The following RPL27A variants were observed in gnomAD, a reference collection of about 807,000 sequenced individuals.
The protein encoded by RPL27A is large ribosomal subunit protein uL15.
For synonymous variants in RPL27A, 69 were observed against 68.3 expected, an observed-to-expected ratio of 1.01 and a Z score of -0.05; for missense variants, 118 against 189.4, an observed-to-expected ratio of 0.62 and a Z score of 2.21.
rs1183137565 is a variant in RPL27A, at chr11:8,688,052, C to G, written c.*2246C>G. On this transcript the variant is annotated 3_prime_UTR_variant, in exon 5 of 5. Transcript: ENST00000314138. ...GCAGAGGGAATACTGGTTCAGGAAA[C>G]TGGTTTGGGAAGGTTAGGCAAACGG... 6.6e-6 allele frequency: 1 copy of G among 152,196 alleles called. No homozygotes were observed. The highest frequency in any genetic ancestry group is 1.5e-5 in the Non-Finnish European group (1 of 68,098). 9.4% of individuals were successfully genotyped at this position (152,196 alleles called of 1,614,324 possible).
intron 4 of RPL27A, 105 bp from the exon 5 acceptor site, chr11:8,685,573 C>A: frequency 7.7e-7 from 1 of 1,296,650 alleles, no homozygotes; most frequent in Non-Finnish European, 1.1e-6. Context: ...AACATACATA[C>A]CCTGCCTAGG....
chr11:8,683,244 AGCCACG>A lies in RPL27A; in HGVS notation c.56_61del (p.His19_Gly20del). ...GACCCGGAAACTTAGGGGCCACGTG[AGCCACG>A]GCCACGGCCGCATAGGTAAGTGCCG... On this transcript the variant is annotated inframe_deletion, in exon 2 of 5. Coordinates refer to ENST00000314138, the MANE Select transcript of RPL27A (RefSeq NM_000990.5). The A allele has an allele frequency of 6.2e-7, 1 of 1,614,214 alleles. No individual in the cohort carries two copies. Among genetic ancestry groups the A allele is most frequent in the Non-Finnish European group, 8.5e-7 (1 of 1,180,012 alleles).
rs760354952 is a variant in RPL27A at position 8,687,389 on chromosome 11, T to TC, written c.*1585dup. On this transcript the variant is annotated 3_prime_UTR_variant, in exon 5 of 5. Transcript: ENST00000314138. ...CTTGGGCAACAAGAGTGAAACTCTG[T>TC]CCACCCCCCCCAAAAAAAGTAAGGG... 0.048 allele frequency: 4,787 copies of TC among 100,734 alleles called. 568 individuals carry two copies. The highest frequency in any genetic ancestry group is 0.087 in the Admixed American group (800 of 9,158). 6.2% of individuals were successfully genotyped at this position (100,734 alleles called of 1,614,324 possible). A position where few individuals can be genotyped will look rare whatever the true frequency, so the allele number is the denominator to read the frequency against.
intron 4 of RPL27A, chr11:8,685,426 A>C (rs774638214): frequency 9.1e-6 from 6 of 658,014 alleles, no homozygotes; most frequent in South Asian, 6.9e-5. Flanking sequence ...GAGCAGGAGG[A>C]GGCTTATGCT....
chr11:8,685,693 C>T lies in RPL27A; in HGVS notation c.334C>T (p.Leu112=), dbSNP rs555137665. Residue 112 remains leucine (L), a synonymous_variant, in exon 5 of 5, where the codon CTG becomes TTG. Coordinates refer to ENST00000314138, the MANE Select transcript of RPL27A (RefSeq NM_000990.5). ...GTTCTTCTAGGGCTACTACAAAGTT[C>T]TGGGAAAGGGAAAGCTCCCAAAGCA... is the stretch of plus-strand genomic sequence containing the variant. ...DVVRSGYYKV[L]GKGKLPKQPV... The T allele has an allele frequency of 1.9e-6, 3 of 1,614,150 alleles. No homozygotes were observed. The highest frequency in any genetic ancestry group is 2.2e-5 in the East Asian group (1 of 44,890).
At chr11:8,684,333 T>A in intron 3 of RPL27A, 1 of 740,594 alleles carries the variant, frequency 1.4e-6, no homozygotes, top group Non-Finnish European at 2.5e-6. Flanking sequence ...TATGGCACAG[T>A]CAGTCACCAG....
chr11:8,682,829 T>G lies in RPL27A; in HGVS notation c.3+13T>G, dbSNP rs780937350. On this transcript the variant is annotated intron_variant, in intron 1 of 4. Coordinates refer to ENST00000314138, the MANE Select transcript of RPL27A (RefSeq NM_000990.5). ...GGCTGCCAACATGGTAGGTGTTTCGTTTCTTGCCTCCTCTTCCTTGCCGGC... is the reference window on the plus strand; with the variant it reads ...GGCTGCCAACATGGTAGGTGTTTCGGTTCTTGCCTCCTCTTCCTTGCCGGC... The G allele has an allele frequency of 6.2e-7, 1 of 1,611,494 alleles. No homozygotes were observed.
intron 2 of RPL27A, chr11:8,683,512 T>C: frequency 1.7e-6 from 1 of 573,956 alleles, no homozygotes; most frequent in South Asian, 2.1e-5. Flanking sequence ...GGGAATGCTG[T>C]GATGTGGAAC....
In RPL27A at chr11:8,684,806, T is replaced by G. The variant is rs115721984; in HGVS notation, c.232T>G (p.Leu78Val). 2.6e-4 allele frequency: 419 copies of G among 1,613,894 alleles called. 4 individuals are homozygous for G. In the East Asian group the frequency reaches 7.4e-3, roughly 28 times the overall value. The change falls in exon 4 of 5, where the codon TTG (leucine) becomes GTG (valine). Residue 78 changes from leucine (L) to valine (V), a missense_variant. By Grantham distance (32) the Leu-to-Val change is conservative. Coordinates refer to ENST00000314138, the MANE Select transcript of RPL27A (RefSeq NM_000990.5). ...CTGCCCAACTGTCAACCTTGACAAA[T>G]TGTGGACTTTGGTCAGTGAACAGAC... ...SFCPTVNLDKLWTLVSEQTRV... is the reference protein window; with the variant it reads ...SFCPTVNLDKVWTLVSEQTRV...
chr11:8,683,389 T>C (rs888754324), intron 2 of RPL27A, 124 bp downstream of exon 2: 1 of 784,288 alleles, frequency 1.3e-6, no homozygotes, highest in African/African-American at 1.7e-5. Flanking sequence ...GCACAGCTGT[T>C]GATTTTTTTC....
chr11:8,682,850 C>T (rs2039509759), intron 1 of RPL27A, 34 bp downstream of exon 1: 4 of 1,604,482 alleles, frequency 2.5e-6, no homozygotes, highest in South Asian at 1.1e-5. Context: ...CTCTTCCTTG[C>T]CGGCGGAGAC....
chr11:8,682,965 C>T, intron 1 of RPL27A, 149 bp downstream of exon 1: 1 of 1,099,766 alleles, frequency 9.1e-7, no homozygotes, highest in Non-Finnish European at 1.3e-6. Context: ...GGCGCGGGCC[C>T]GGGGCGGGGC....
intron 2 of RPL27A, chr11:8,683,720 C>G (rs2039540204): frequency 2.0e-6 from 1 of 503,932 alleles, no homozygotes; most frequent in Non-Finnish European, 3.6e-6. Flanking sequence ...CACTGTCGCC[C>G]AGGCTGGAGT....
Position 8,685,848 on chromosome 11 carries a change from C to A in RPL27A, c.*42C>A. On this transcript the variant is annotated 3_prime_UTR_variant, in exon 5 of 5. Coordinates refer to ENST00000314138, the MANE Select transcript of RPL27A (RefSeq NM_000990.5). ...TTTCATTAAATGCTAACTACTTTTT[C>A]CTTGTGGTGTGAGTGTAGGTTCTTC... 4.4e-6 allele frequency: 7 copies of A among 1,605,944 alleles called. No individual in the cohort carries two copies. Among genetic ancestry groups the A allele is most frequent in the Non-Finnish European group, 5.1e-6 (6 of 1,175,266 alleles).
In RPL27A at chr11:8,688,240, C is replaced by T. The variant is rs2039605268; in HGVS notation, c.*2434C>T. On this transcript the variant is annotated 3_prime_UTR_variant, in exon 5 of 5. Transcript: ENST00000314138. ...GGAGACTGAATTGTAGTGGGCCGAC[C>T]ACAAAATGATAAGGCATGGAAGGAA... 1.3e-5 allele frequency: 2 copies of T among 152,210 alleles called. No individual in the cohort carries two copies. Among genetic ancestry groups the T allele is most frequent in the African/African-American group, 2.4e-5 (1 of 41,442 alleles). 9.4% of individuals were successfully genotyped at this position (152,210 alleles called of 1,614,324 possible).
chr11:8,682,840 C>G lies in RPL27A; in HGVS notation c.3+24C>G, dbSNP rs371359560. 1.9e-6 allele frequency: 3 copies of G among 1,609,130 alleles called. No individual in the cohort carries two copies. The East Asian group carries it at 6.7e-5, about 36-fold the overall frequency. On this transcript the variant is annotated intron_variant, in intron 1 of 4. Coordinates refer to ENST00000314138, the MANE Select transcript of RPL27A (RefSeq NM_000990.5). Reference sequence around the variant, plus strand: ...TGGTAGGTGTTTCGTTTCTTGCCTCCTCTTCCTTGCCGGCGGAGACCCCTA... The same window carrying G: ...TGGTAGGTGTTTCGTTTCTTGCCTCGTCTTCCTTGCCGGCGGAGACCCCTA...
rs1357795788 is a variant in RPL27A at position 8,689,317 on chromosome 11, G to A, written c.*3511G>A. 6.6e-6 allele frequency: 1 copy of A among 152,248 alleles called. No individual in the cohort carries two copies. The highest frequency in any genetic ancestry group is 2.4e-5 in the African/African-American group (1 of 41,460). 9.4% of individuals were successfully genotyped at this position (152,248 alleles called of 1,614,324 possible). A position where few individuals can be genotyped will look rare whatever the true frequency, so the allele number is the denominator to read the frequency against. ...ATTGTCTAAAAGGTAATGAGCGTCA[G>A]CGACATTCAAGGGCACTTTGGGCTA... On this transcript the variant is annotated 3_prime_UTR_variant, in exon 5 of 5. Transcript: ENST00000314138.
intron 3 of RPL27A, 192 bp downstream of exon 3, chr11:8,684,273 C>G (rs1168014119): frequency 2.6e-6 from 2 of 759,832 alleles, no homozygotes; most frequent in African/African-American, 3.4e-5. Flanking sequence ...CCTGAGTGTG[C>G]TAGAGTCCTC....
At chr11:8,684,124 TA>T (rs1565591255) in intron 3 of RPL27A, 43 bp downstream of exon 3, 2 of 1,534,882 alleles carry the variant, frequency 1.3e-6, no homozygotes. Context: ...GCTTGGGAGG[TA>T]GGGGCAGAGA....
Sources: allele counts gnomAD v4.1 joint callset, GRCh38; gene constraint gnomAD v4.1.1; transcripts MANE v1.5; gene names NCBI Gene and HGNC (gene_info 2026-07-23, HGNC 2026-07-21).